The following HDAC4 variants were observed in gnomAD, a reference collection of about 807,000 sequenced individuals.
The protein encoded by HDAC4 is histone deacetylase A.
HDAC4 carries 16 observed loss-of-function variants against 135.1 expected under a neutral mutation model. The observed-to-expected ratio is 0.12, with a 90% confidence interval of 0.08 to 0.18. The LOEUF is 0.18. HDAC4 is among the 10% of genes least tolerant of loss of function. The pLI, the probability that HDAC4 is intolerant of heterozygous loss-of-function variation, is 1.00. For missense variants in HDAC4, 1,143 were observed against 1,511.8 expected, an observed-to-expected ratio of 0.76 and a Z score of 4.05; for synonymous variants, 685 against 653.4, an observed-to-expected ratio of 1.05 and a Z score of -0.74.
intron 2 of HDAC4, among the ~76,000 whole-genome samples, chr2:239,246,077 G>T (rs2048442167): frequency 6.6e-6 from 1 of 152,190 alleles, no homozygotes; most frequent in South Asian, 2.1e-4. Flanking sequence ...AGACTGCAGG[G>T]GGGTGTCCAG....
chr2:239,198,601 C>T (rs867950495), intron 3 of HDAC4, among the ~76,000 whole-genome samples: 5 of 152,172 alleles, frequency 3.3e-5, no homozygotes, highest in Admixed American at 6.5e-5. Flanking sequence ...TTTGTGGCAG[C>T]GCAGCTTCCA....
chr2:239,122,625 G>C (rs1248559531), intron 12 of HDAC4, among the ~76,000 whole-genome samples: 1 of 152,186 alleles, frequency 6.6e-6, no homozygotes, highest in African/African-American at 2.4e-5. Context: ...GAGCCAGCTC[G>C]GGGTCGATCC....
At chr2:239,169,362 G>A (rs992998822) in intron 5 of HDAC4, among the ~76,000 whole-genome samples, 9 of 152,208 alleles carry the variant, frequency 5.9e-5, no homozygotes, top group African/African-American at 2.2e-4. Context: ...TCCCACGCAC[G>A]CCTCCTGCAC....
chr2:239,127,786 C>T (rs1297360840), intron 11 of HDAC4, among the ~76,000 whole-genome samples: 1 of 152,198 alleles, frequency 6.6e-6, no homozygotes, highest in Non-Finnish European at 1.5e-5. Context: ...TACGGGACCT[C>T]CAGGGATACC....
intron 2 of HDAC4, among the ~76,000 whole-genome samples, chr2:239,281,959 A>G (rs1021883660): frequency 6.8e-6 from 1 of 146,880 alleles, no homozygotes; most frequent in African/African-American, 2.5e-5. Context: ...TGTACACACC[A>G]CTCTACAATG....
rs1448049621 is a variant in HDAC4 at position 239,090,262 on chromosome 2, C to G, written c.2281-146G>C. ...AGCCAGGGCAGCTGCAGCCCACGTT[C>G]AGCCTTCAATCTTTTTAAGACATGC... On this transcript the variant is annotated intron_variant, in intron 17 of 26. Coordinates refer to ENST00000543185, the MANE Select transcript of HDAC4 (RefSeq NM_001378414.1). 4.3e-6 allele frequency: 3 copies of G among 695,652 alleles called. No homozygotes were observed. The East Asian group carries it at 8.1e-5, about 19-fold the overall frequency. 43.1% of individuals were successfully genotyped at this position (695,652 alleles called of 1,614,324 possible). A position where few individuals can be genotyped will look rare whatever the true frequency, so the allele number is the denominator to read the frequency against.
At chr2:239,182,806 C>T (rs1165247566) in intron 4 of HDAC4, among the ~76,000 whole-genome samples, 4 of 152,196 alleles carry the variant, frequency 2.6e-5, no homozygotes, top group Admixed American at 6.5e-5. Context: ...AATGCTGGAA[C>T]CACAAGGGAA....
intron 2 of HDAC4, among the ~76,000 whole-genome samples, chr2:239,320,938 T>C (rs980994892): frequency 1.2e-4 from 19 of 152,240 alleles, no homozygotes; most frequent in Admixed American, 1.1e-3. Context: ...TAATCTTTTT[T>C]ATTTTTCAAA....
chr2:239,292,017 G>A (rs990448435), intron 2 of HDAC4, among the ~76,000 whole-genome samples: 7 of 152,086 alleles, frequency 4.6e-5, no homozygotes, highest in Admixed American at 6.5e-5. Context: ...CAGGGGCTGC[G>A]CGCACGGCCC....
rs148198502 is a variant in HDAC4 at position 239,074,677 on chromosome 2, G to A, written c.2751-6070C>T. Among the ~76,000 whole-genome samples the A allele has an allele frequency of 2.2e-3, 333 of 152,362 alleles. 3 individuals carry two copies. The highest frequency in any genetic ancestry group is 7.7e-3 in the African/African-American group (322 of 41,586). On this transcript the variant is annotated intron_variant, in intron 22 of 26. Transcript: ENST00000543185. The stretch of plus-strand genomic sequence containing the variant: ...CTGCTAGACATAAGAAGGTCAGAAC[G>A]TGAGGTGCATGAGTGCACCTTCAGC...
rs1292923686 is a variant in HDAC4, at chr2:239,090,092, C to T, written c.2305G>A (p.Glu769Lys). The stretch of plus-strand genomic sequence containing the variant: ...CGGGCTGCCCCCGCCGAGTGCACCT[C>T]GTTCCATATGGTGTCACTGTCCACC... ...VGVDSDTIWN[E>K]VHSAGAARLA... The change falls in exon 18 of 27, where the codon GAG becomes AAG. Residue 769 changes from glutamate (E) to lysine (K), a missense_variant. Glu to Lys is a moderately conservative substitution (Grantham distance 56, BLOSUM62 1). Coordinates refer to ENST00000543185, the MANE Select transcript of HDAC4 (RefSeq NM_001378414.1). The T allele has an allele frequency of 1.9e-6, 3 of 1,613,554 alleles. No homozygotes were observed. Among genetic ancestry groups the T allele is most frequent in the Admixed American group, 1.7e-5 (1 of 60,014 alleles).
At chr2:239,250,726 C>A (rs764404928) in intron 2 of HDAC4, among the ~76,000 whole-genome samples, 10 of 152,234 alleles carry the variant, frequency 6.6e-5, no homozygotes, top group Non-Finnish European at 1.2e-4. Context: ...GGGACCTCGA[C>A]AGAAAGGACG....
intron 1 of HDAC4, among the ~76,000 whole-genome samples, chr2:239,378,072 T>C (rs1240798783): frequency 6.6e-6 from 1 of 152,066 alleles, no homozygotes; most frequent in East Asian, 1.9e-4. Context: ...GCGGTGCCCC[T>C]CCACTCAGCC....
chr2:239,148,734 G>A (rs903108261), intron 7 of HDAC4, among the ~76,000 whole-genome samples: 23 of 152,348 alleles, frequency 1.5e-4, no homozygotes, highest in Non-Finnish European at 1.3e-4. Flanking sequence ...TGGCGAGGCC[G>A]CAGAAAGGAG....
At chr2:239,140,493 G>A (rs1012621959) in intron 8 of HDAC4, among the ~76,000 whole-genome samples, 2 of 152,170 alleles carry the variant, frequency 1.3e-5, no homozygotes, top group Non-Finnish European at 2.9e-5. Context: ...CATCCACCGT[G>A]GGAGGCCGCT....
chr2:239,269,204 C>A (rs890152885), intron 2 of HDAC4, among the ~76,000 whole-genome samples: 2 of 151,974 alleles, frequency 1.3e-5, no homozygotes, highest in Non-Finnish European at 2.9e-5. Context: ...CACATTCACA[C>A]ACCCACACAC....
chr2:239,395,677 C>G (rs938216106), intron 1 of HDAC4, among the ~76,000 whole-genome samples: 1 of 152,136 alleles, frequency 6.6e-6, no homozygotes, highest in Admixed American at 6.5e-5. Context: ...AGGAGTGGCC[C>G]GGGGACTGCT....
chr2:239,174,892 C>T (rs375545958), intron 5 of HDAC4, among the ~76,000 whole-genome samples: 11 of 152,298 alleles, frequency 7.2e-5, no homozygotes, highest in African/African-American at 2.6e-4. Context: ...AAAAATCCTA[C>T]ATATTAAGGG....
intron 2 of HDAC4, among the ~76,000 whole-genome samples, chr2:239,311,791 A>T (rs1029572725): frequency 6.6e-6 from 1 of 152,204 alleles, no homozygotes; most frequent in African/African-American, 2.4e-5. Flanking sequence ...TGGAACAGTG[A>T]TGGGGCGGTG....
Sources: gnomAD v4.1 joint callset for allele counts (sites outside exome capture counted in the v4.1 genomes callset) on GRCh38, gnomAD v4.1.1 for gene constraint, MANE v1.5 for transcripts, NCBI Gene and HGNC (gene_info 2026-07-23, HGNC 2026-07-21) for gene names.